The following PHF14 variants were observed in gnomAD, a reference collection of about 807,000 sequenced individuals.
The protein encoded by PHF14 is PHD finger protein 14.
In PHF14, 55 loss-of-function variants were observed where a neutral mutation model predicts 117.9. The observed-to-expected ratio is 0.47, with a 90% confidence interval of 0.38 to 0.58. The LOEUF is 0.58. PHF14 is among the 20% of genes least tolerant of loss of function. The pLI is 0.00. For missense variants in PHF14, 978 were observed against 1,122.2 expected (o/e 0.87, Z 1.84); for synonymous variants, 409 against 368.6 (o/e 1.11, Z -1.26).
At chr7:11,062,856 A>G (rs1387933580) in intron 16 of PHF14, 2 of 985,106 alleles carry the variant, frequency 2.0e-6, no homozygotes, top group Non-Finnish European at 2.4e-6. Context: ...CAGTGTCACA[A>G]AAGTTCTTAC....
chr7:10,976,427 G>C (rs1781866425), intron 2 of PHF14, among the ~76,000 whole-genome samples: 2 of 152,100 alleles, frequency 1.3e-5, no homozygotes, highest in African/African-American at 4.8e-5. Context: ...GGTTTGTTAT[G>C]GTTGTGGTTG....
chr7:11,101,168 T>A (rs1016177088), intron 16 of PHF14, among the ~76,000 whole-genome samples: 6 of 151,912 alleles, frequency 3.9e-5, no homozygotes, highest in African/African-American at 1.4e-4. Flanking sequence ...TAGCAATAGC[T>A]TTTTAGTTTT....
intron 16 of PHF14, among the ~76,000 whole-genome samples, chr7:11,093,983 C>G (rs575085828): frequency 1.9e-4 from 29 of 152,108 alleles, no homozygotes; most frequent in African/African-American, 5.3e-4. Context: ...ACTCTGTTCC[C>G]TGTGTGGCAG....
chr7:11,067,907 A>G (rs1785476530), intron 16 of PHF14, among the ~76,000 whole-genome samples: 1 of 152,112 alleles, frequency 6.6e-6, no homozygotes, highest in East Asian at 1.9e-4. Flanking sequence ...GAGGTCAATA[A>G]TCTCTTCATG....
chr7:10,975,602 C>T (rs187453886), intron 2 of PHF14, among the ~76,000 whole-genome samples: 2 of 152,062 alleles, frequency 1.3e-5, no homozygotes, highest in Admixed American at 6.5e-5. Flanking sequence ...TTCAGTGTAC[C>T]TTATGTATAT....
chr7:11,037,170 T>C, intron 10 of PHF14, 79 bp downstream of exon 10: 3 of 1,292,328 alleles, frequency 2.3e-6, no homozygotes, highest in Non-Finnish European at 3.1e-6. Context: ...GGCATTTCTT[T>C]TATGTTTTGT....
intron 2 of PHF14, among the ~76,000 whole-genome samples, chr7:10,977,944 T>C (rs1406182203): frequency 1.3e-5 from 2 of 152,230 alleles, no homozygotes; most frequent in Admixed American, 6.5e-5. Flanking sequence ...TTGAATGTTT[T>C]AAAGAATGTT....
chr7:11,081,536 C>T (rs868838439), intron 16 of PHF14, among the ~76,000 whole-genome samples: 1 of 152,196 alleles, frequency 6.6e-6, no homozygotes, highest in African/African-American at 2.4e-5. Context: ...TGTGGGAAAA[C>T]ATTTAAGTTT....
At chr7:10,987,495 G>A (rs796611585) in intron 3 of PHF14, among the ~76,000 whole-genome samples, 18 of 152,104 alleles carry the variant, frequency 1.2e-4, no homozygotes, top group African/African-American at 3.9e-4. Flanking sequence ...TTATCATTTT[G>A]GGGGTAAGTT....
At chr7:11,083,507 C>T (rs950075479) in intron 16 of PHF14, among the ~76,000 whole-genome samples, 17 of 137,274 alleles carry the variant, frequency 1.2e-4, no homozygotes, top group Middle Eastern at 4.3e-3. Flanking sequence ...CTTGCTCTGT[C>T]GCCCAGGCTG....
At chr7:11,001,587 T>C (rs1782877394) in intron 4 of PHF14, among the ~76,000 whole-genome samples, 1 of 152,202 alleles carries the variant, frequency 6.6e-6, no homozygotes, top group African/African-American at 2.4e-5. Flanking sequence ...TGCAGTTTTC[T>C]TCATAGAGAT....
At chr7:11,107,679 C>T (rs935754780) in intron 16 of PHF14, 8 of 653,000 alleles carry the variant, frequency 1.2e-5, no homozygotes, top group Non-Finnish European at 1.5e-5. Context: ...ATGTGCTATT[C>T]GTATAATAAT....
chr7:11,135,981 A>G (rs918959099), intron 17 of PHF14, among the ~76,000 whole-genome samples: 4 of 152,132 alleles, frequency 2.6e-5, no homozygotes, highest in Non-Finnish European at 4.4e-5. Flanking sequence ...GTTAAAGTTA[A>G]CTGGTATTAA....
intron 7 of PHF14, among the ~76,000 whole-genome samples, chr7:11,033,053 A>G (rs1456110382): frequency 6.6e-6 from 1 of 152,208 alleles, no homozygotes; most frequent in Non-Finnish European, 1.5e-5. Context: ...AGTATATACA[A>G]AAGCGCATGT....
intron 16 of PHF14, chr7:11,107,276 AT>A (rs1193212042): frequency 3.1e-6 from 3 of 977,438 alleles, no homozygotes; most frequent in African/African-American, 1.8e-5. Flanking sequence ...AAGGTAAATC[AT>A]TTTTTTCCCT....
chr7:11,086,788 A>C (rs758464210), intron 16 of PHF14, among the ~76,000 whole-genome samples: 18 of 152,126 alleles, frequency 1.2e-4, no homozygotes, highest in Non-Finnish European at 2.1e-4. Context: ...TCATCATTTG[A>C]ATATAATTTG....
intron 14 of PHF14, among the ~76,000 whole-genome samples, chr7:11,057,670 G>A (rs781304973): frequency 7.9e-5 from 12 of 152,154 alleles, no homozygotes; most frequent in Middle Eastern, 3.4e-3. Flanking sequence ...CACTGTTCCC[G>A]GCCTGAATAA....
At chr7:11,122,085 C>G (rs1448193813) in intron 17 of PHF14, among the ~76,000 whole-genome samples, 2 of 151,506 alleles carry the variant, frequency 1.3e-5, no homozygotes, top group Non-Finnish European at 2.9e-5. Context: ...TTATTCCACT[C>G]TCACTTATGA....
chr7:11,029,337 C>T (rs1322398896), intron 7 of PHF14, among the ~76,000 whole-genome samples: 2 of 152,072 alleles, frequency 1.3e-5, no homozygotes, highest in Non-Finnish European at 2.9e-5. Flanking sequence ...TTCAAGTATT[C>T]TGAGTTTAAA....
Sources: gnomAD v4.1 joint callset for allele counts (sites outside exome capture counted in the v4.1 genomes callset) on GRCh38, gnomAD v4.1.1 for gene constraint, MANE v1.5 for transcripts, NCBI Gene and HGNC (gene_info 2026-07-23, HGNC 2026-07-21) for gene names.